Variants in PDE10A observed in about 807,000 individuals in gnomAD.
PDE10A encodes cAMP and cAMP-inhibited cGMP 3',5'-cyclic phosphodiesterase 10A.
Under a neutral mutation model 97.7 loss-of-function variants are expected in PDE10A, and 39 were observed. The ratio of observed to expected loss-of-function variants is 0.40; its 90% CI spans 0.31 to 0.52. The LOEUF is 0.52. Among genes scored for constraint, PDE10A ranks in the 20% least tolerant of loss-of-function variants. PDE10A has a pLI of 0.56. For synonymous variants in PDE10A, 371 were observed against 376.8 expected (o/e 0.98, Z 0.18); for missense variants, 731 against 1,047.8 (o/e 0.70, Z 4.17).
chr6:165,480,129 A>T (rs1164718978), intron 3 of PDE10A, among the ~76,000 whole-genome samples: 2 of 152,224 alleles, frequency 1.3e-5, no homozygotes, highest in Non-Finnish European at 2.9e-5. Context: ...TTAAGGAGGC[A>T]TATGGAAAAT....
At chr6:165,441,645 A>G (rs1790476573) in intron 5 of PDE10A, among the ~76,000 whole-genome samples, 1 of 152,172 alleles carries the variant, frequency 6.6e-6, no homozygotes, top group African/African-American at 2.4e-5. Flanking sequence ...CCAAGTTCTG[A>G]AAAAGTATAA....
At chr6:165,465,168 G>C (rs1437624819) in intron 3 of PDE10A, among the ~76,000 whole-genome samples, 1 of 152,004 alleles carries the variant, frequency 6.6e-6, no homozygotes, top group East Asian at 1.9e-4. Flanking sequence ...AAAAATAAAG[G>C]TGATCTATAT....
intron 1 of PDE10A, among the ~76,000 whole-genome samples, chr6:165,624,957 C>T (rs1364773212): frequency 6.6e-6 from 1 of 152,066 alleles, no homozygotes; most frequent in East Asian, 1.9e-4. Flanking sequence ...GGGCCTGAGC[C>T]TCAGGTATCT....
At chr6:165,756,738 GC>G (rs1244759825) in intron 1 of PDE10A, among the ~76,000 whole-genome samples, 1 of 152,008 alleles carries the variant, frequency 6.6e-6, no homozygotes, top group Non-Finnish European at 1.5e-5. Context: ...CACGGGTATT[GC>G]CAAACTGTCC....
At chr6:165,782,276 C>A (rs1230316802) in intron 1 of PDE10A, among the ~76,000 whole-genome samples, 2 of 152,232 alleles carry the variant, frequency 1.3e-5, no homozygotes, top group Non-Finnish European at 2.9e-5. Flanking sequence ...TGATTTATTG[C>A]TTCAGAGAAA....
chr6:165,771,919 C>A (rs748317441), intron 1 of PDE10A, among the ~76,000 whole-genome samples: 2 of 152,114 alleles, frequency 1.3e-5, no homozygotes, highest in Non-Finnish European at 2.9e-5. Context: ...CCAGAGAGAC[C>A]GGGGCACCAG....
intron 1 of PDE10A, among the ~76,000 whole-genome samples, chr6:165,746,314 C>T (rs187611108): frequency 4.6e-5 from 7 of 152,300 alleles, no homozygotes; most frequent in African/African-American, 1.4e-4. Context: ...TTGACACTTG[C>T]GTGGGGTACA....
chr6:165,367,235 A>C (rs1783832654), intron 18 of PDE10A, among the ~76,000 whole-genome samples: 1 of 110,806 alleles, frequency 9.0e-6, no homozygotes, highest in Non-Finnish European at 1.8e-5. Context: ...ATATACACAC[A>C]CACATATGTG....
chr6:165,911,566 G>T (rs547484872), intron 1 of PDE10A, among the ~76,000 whole-genome samples: 1 of 152,192 alleles, frequency 6.6e-6, no homozygotes, highest in Non-Finnish European at 1.5e-5. Flanking sequence ...TCTCTGGGGC[G>T]GCCACTAAAA....
At chr6:165,415,383 G>A (rs905487981) in intron 12 of PDE10A, among the ~76,000 whole-genome samples, 2 of 152,130 alleles carry the variant, frequency 1.3e-5, no homozygotes, top group African/African-American at 4.8e-5. Context: ...TAAACCACGA[G>A]TTGGAATTAA....
At chr6:165,369,772 A>T (rs1307898268) in intron 18 of PDE10A, among the ~76,000 whole-genome samples, 1 of 147,076 alleles carries the variant, frequency 6.8e-6, no homozygotes, top group Non-Finnish European at 1.5e-5. Flanking sequence ...AAGACACATA[A>T]TTGTCAGATT....
chr6:165,644,864 G>A (rs180871748), intron 1 of PDE10A, among the ~76,000 whole-genome samples: 224 of 152,286 alleles, frequency 1.5e-3, no homozygotes, highest in Non-Finnish European at 2.5e-3. Flanking sequence ...GCAAGGCCAG[G>A]GCAAGCGTGA....
At chr6:165,383,442 A>G (rs1261459618) in intron 17 of PDE10A, among the ~76,000 whole-genome samples, 3 of 152,240 alleles carry the variant, frequency 2.0e-5, no homozygotes, top group South Asian at 2.1e-4. Flanking sequence ...TGTCCACACA[A>G]AACAGTCTGC....
At position 165,471,800 on chromosome 6, in the gene PDE10A, A is replaced by G. The variant is rs188012385; in HGVS notation, c.1023+10515T>C. ...CCAGCCTGGTCCAATTTCTTATTAG[A>G]CTTACTACACTAGCCTTCTACTTGC... is the stretch of plus-strand genomic sequence containing the variant. On this transcript the variant is annotated intron_variant, in intron 3 of 21. Transcript: ENST00000539869. Among the ~76,000 whole-genome samples the G allele has an allele frequency of 3.4e-4, 52 of 152,214 alleles. No homozygotes were observed. In the East Asian group the frequency reaches 9.1e-3, roughly 27 times the overall value.
chr6:165,985,909 C>T (rs567864640), intron 1 of PDE10A, among the ~76,000 whole-genome samples: 1 of 147,714 alleles, frequency 6.8e-6, no homozygotes, highest in East Asian at 2.1e-4. Context: ...ATCTAATCAG[C>T]TCACTCCCAC....
chr6:165,987,345 C>T (rs1169880131), intron 1 of PDE10A, among the ~76,000 whole-genome samples: 2 of 152,126 alleles, frequency 1.3e-5, no homozygotes, highest in South Asian at 2.1e-4. Context: ...CACCCTTTCC[C>T]CCAAACAGTC....
intron 2 of PDE10A, among the ~76,000 whole-genome samples, chr6:165,519,062 C>T (rs1483276537): frequency 2.0e-5 from 3 of 152,160 alleles, no homozygotes; most frequent in Admixed American, 1.3e-4. Flanking sequence ...TTTCTGTAAT[C>T]TGTCATGGAA....
intron 1 of PDE10A, among the ~76,000 whole-genome samples, chr6:165,778,244 G>A (rs1458918749): frequency 6.6e-6 from 1 of 151,954 alleles, no homozygotes; most frequent in Non-Finnish European, 1.5e-5. Flanking sequence ...CTAATTTTTT[G>A]TATTTTTAGT....
At chr6:165,424,925 T>C (rs1436832749) in intron 10 of PDE10A, among the ~76,000 whole-genome samples, 1 of 152,088 alleles carries the variant, frequency 6.6e-6, no homozygotes, top group Non-Finnish European at 1.5e-5. Flanking sequence ...AATTGATAAA[T>C]TATATCTGTT....
Sources: gnomAD v4.1 joint callset for allele counts (sites outside exome capture counted in the v4.1 genomes callset) on GRCh38, gnomAD v4.1.1 for gene constraint, MANE v1.5 for transcripts, NCBI Gene and HGNC (gene_info 2026-07-23, HGNC 2026-07-21) for gene names.